Variants in SLC24A2 observed in about 807,000 individuals in gnomAD.
SLC24A2 encodes solute carrier family 24 member 2, also known as sodium/potassium/calcium exchanger 2.
Under a neutral mutation model 62.0 loss-of-function variants are expected in SLC24A2, and 36 were observed. That is an observed-to-expected ratio of 0.58 (90% confidence interval 0.44 to 0.77). SLC24A2 has a LOEUF of 0.77. SLC24A2 is among the 30% of genes least tolerant of loss of function. The probability of loss-of-function intolerance (pLI) is 0.00; values close to 1 mark genes in which losing one functional copy is unlikely to be tolerated. For synonymous variants in SLC24A2, 358 were observed against 294.0 expected (o/e 1.22, Z -2.23); for missense variants, 846 against 817.9 (o/e 1.03, Z -0.42).
chr9:19,829,797 GTA>G, the SLC24A2 span, among the ~76,000 whole-genome samples: 232 of 87,534 alleles, frequency 2.7e-3, 1 homozygote, highest in East Asian at 0.018. Context: ...GTGTGTGTGT[GTA>G]TATATATATA....
At chr9:19,812,773 A>T in the SLC24A2 span, among the ~76,000 whole-genome samples, 1 of 66,992 alleles carries the variant, frequency 1.5e-5, no homozygotes, top group Non-Finnish European at 3.0e-5. Flanking sequence ...CCTTCCAGAA[A>T]GTATTCACCA....
At chr9:19,978,591 AT>A in the SLC24A2 span, among the ~76,000 whole-genome samples, 44 of 150,268 alleles carry the variant, frequency 2.9e-4, no homozygotes, top group East Asian at 1.6e-3. Context: ...AGAAAAGGGT[AT>A]TTTTTTTTTC....
intron 7 of SLC24A2, among the ~76,000 whole-genome samples, chr9:19,567,895 T>C (rs1835722374): frequency 2.0e-5 from 3 of 152,174 alleles, no homozygotes; most frequent in Non-Finnish European, 2.9e-5. Context: ...GAGAGTATTT[T>C]AAAAATGCTC....
intron 6 of SLC24A2, 55 bp downstream of exon 6, chr9:19,576,869 T>C (rs2132852461): frequency 1.5e-6 from 2 of 1,353,954 alleles, no homozygotes; most frequent in Non-Finnish European, 2.1e-6. Context: ...CCTGACTCTC[T>C]GCTCCCCTCG....
chr9:19,982,360 T>C, the SLC24A2 span, among the ~76,000 whole-genome samples: 2 of 152,100 alleles, frequency 1.3e-5, no homozygotes, highest in East Asian at 3.9e-4. Flanking sequence ...GAATAACCCA[T>C]AAAGGCAAGC....
the SLC24A2 span, among the ~76,000 whole-genome samples, chr9:20,090,291 A>C: frequency 2.0e-5 from 3 of 152,098 alleles, no homozygotes; most frequent in Admixed American, 2.0e-4. Context: ...CCTTGGCCAC[A>C]ACCACTTCTA....
the SLC24A2 span, among the ~76,000 whole-genome samples, chr9:19,983,701 A>G: frequency 2.0e-5 from 3 of 152,196 alleles, no homozygotes; most frequent in Admixed American, 6.6e-5. Context: ...AACCTGAAAA[A>G]GAAATTAAGA....
the SLC24A2 span, among the ~76,000 whole-genome samples, chr9:20,075,829 C>A: frequency 6.6e-6 from 1 of 152,182 alleles, no homozygotes; most frequent in Non-Finnish European, 1.5e-5. Context: ...AAAATTAATA[C>A]AGTCATCCCT....
chr9:19,527,848 T>C (rs921390836), intron 9 of SLC24A2, among the ~76,000 whole-genome samples: 2 of 152,206 alleles, frequency 1.3e-5, no homozygotes, highest in Non-Finnish European at 2.9e-5. Context: ...GTCCAGAGGC[T>C]ATGCTGATTT....
Position 19,573,447 on chromosome 9 carries a change from G to A in SLC24A2, c.1251C>T (p.Ser417=), listed in dbSNP as rs144704711. ...GTGTCATTTCAACATCTGTGCTGGT[G>A]CTGTTTGGAAGCTCAATTTTTTCTG... ...NHVEKIELPN[S]TSTDVEMTPS... Residue 417 remains serine (S), a synonymous_variant, in exon 7 of 11, where the codon AGC becomes AGT. Transcript: ENST00000341998. The A allele has an allele frequency of 4.4e-6, 7 of 1,609,138 alleles. No homozygotes were observed. In the African/African-American group the frequency reaches 9.4e-5, roughly 22 times the overall value.
rs563266995 is a variant in SLC24A2 at position 19,555,259 on chromosome 9, T to C, written c.1348-4991A>G. On this transcript the variant is annotated intron_variant, in intron 7 of 10. Transcript: ENST00000341998. ...ATCCTAACTGATCTAGTGTTCTCTTTATGAGGACTCAAGGGAGAAACAGCT... is the reference window on the plus strand; with the variant it reads ...ATCCTAACTGATCTAGTGTTCTCTTCATGAGGACTCAAGGGAGAAACAGCT... 1.1e-4 allele frequency among the ~76,000 whole-genome samples: 16 copies of C among 152,342 alleles called. 1 individual carries two copies. The South Asian group carries it at 3.3e-3, about 32-fold the overall frequency.
intron 2 of SLC24A2, among the ~76,000 whole-genome samples, chr9:19,626,641 G>T (rs1163323367): frequency 6.6e-6 from 1 of 152,070 alleles, no homozygotes; most frequent in Non-Finnish European, 1.5e-5. Context: ...AAACAAATAT[G>T]CCCATGATTA....
chr9:19,937,700 A>G, the SLC24A2 span, among the ~76,000 whole-genome samples: 4 of 152,180 alleles, frequency 2.6e-5, no homozygotes, highest in Admixed American at 2.0e-4. Flanking sequence ...TTTGTTTATG[A>G]TATTTGTGTC....
chr9:19,947,046 C>T, the SLC24A2 span, among the ~76,000 whole-genome samples: 4 of 152,154 alleles, frequency 2.6e-5, no homozygotes, highest in African/African-American at 9.7e-5. Flanking sequence ...GACAGCTTTG[C>T]AAATACTGTA....
chr9:19,853,819 T>A, the SLC24A2 span, among the ~76,000 whole-genome samples: 1 of 152,238 alleles, frequency 6.6e-6, no homozygotes, highest in Non-Finnish European at 1.5e-5. Context: ...GCTGGTCTCA[T>A]AAAATGAGTT....
chr9:20,175,438 A>G, the SLC24A2 span, among the ~76,000 whole-genome samples: 3 of 152,096 alleles, frequency 2.0e-5, no homozygotes, highest in African/African-American at 4.8e-5. Flanking sequence ...TGATAGTTAT[A>G]CAACATAATG....
At chr9:20,201,495 AT>A in the SLC24A2 span, among the ~76,000 whole-genome samples, 2 of 152,184 alleles carry the variant, frequency 1.3e-5, no homozygotes, top group African/African-American at 4.8e-5. Context: ...ACAATTTGAG[AT>A]AGAGAAGGGA....
the SLC24A2 span, among the ~76,000 whole-genome samples, chr9:20,269,198 C>G: frequency 3.9e-5 from 6 of 152,074 alleles, no homozygotes; most frequent in Admixed American, 2.0e-4. Flanking sequence ...TCTAGACACT[C>G]AAAATCTCAA....
intron 2 of SLC24A2, among the ~76,000 whole-genome samples, chr9:19,674,587 T>C (rs1819511025): frequency 6.6e-6 from 1 of 152,238 alleles, no homozygotes; most frequent in Non-Finnish European, 1.5e-5. Flanking sequence ...TTTGTCTTTG[T>C]TGAATTGGCT....
Sources: allele counts gnomAD v4.1 joint callset (sites outside exome capture counted in the v4.1 genomes callset), GRCh38; gene constraint gnomAD v4.1.1; transcripts MANE v1.5; gene names NCBI Gene and HGNC (gene_info 2026-07-23, HGNC 2026-07-21).